Variants in ENKUR observed in about 807,000 individuals in gnomAD.
The protein encoded by ENKUR is enkurin, TRPC channel interacting protein, also known as enkurin.
A neutral mutation model predicts 27.6 loss-of-function variants in ENKUR; 19 were observed. The observed-to-expected ratio is 0.69, with a 90% CI of 0.48 to 1.01. The LOEUF is 1.01. Ranked by LOEUF, ENKUR falls within the 50% of genes least tolerant of loss-of-function variation. ENKUR has a pLI of 0.00. For synonymous variants in ENKUR, 117 were observed against 96.9 expected (o/e 1.21, Z -1.22); for missense variants, 312 against 310.5 (o/e 1.00, Z -0.04).
chr10:25,024,528 A>G (rs751826732), intron 2 of ENKUR: 1 of 1,614,206 alleles, frequency 6.2e-7, no homozygotes, highest in Non-Finnish European at 8.5e-7. Flanking sequence ...GTGTTGAGTC[A>G]GATTTTGATT....
At chr10:25,040,289 C>T (rs908229461) in intron 2 of ENKUR, among the ~76,000 whole-genome samples, 3 of 151,850 alleles carry the variant, frequency 2.0e-5, no homozygotes, top group Non-Finnish European at 2.9e-5. Context: ...GTGGTGAAGT[C>T]ACATGACAAA....
chr10:24,988,664 G>GTATATA (rs66687937), intron 4 of ENKUR, among the ~76,000 whole-genome samples: 1 of 98,844 alleles, frequency 1.0e-5, no homozygotes. Context: ...CACAGCATAT[G>GTATATA]TATATATATA....
chr10:25,016,146 C>G lies in ENKUR; in HGVS notation c.-210G>C. 4 of 1,223,046 alleles carry G rather than the reference C, an allele frequency of 3.3e-6. No homozygotes were observed. Among genetic ancestry groups the G allele is most frequent in the East Asian group, 3.4e-5 (1 of 29,688 alleles). The allele number at this position is 1,223,046 out of a possible 1,614,324, so 75.8% of individuals were successfully genotyped here. On this transcript the variant is annotated 5_prime_UTR_variant, in exon 1 of 6. Transcript: ENST00000331161. ...CCCTATTTCTCTCCGGATTGCTAAGCGTCGTTGACTGTGCGGTTGCCGTGG... is the reference window on the plus strand; with the variant it reads ...CCCTATTTCTCTCCGGATTGCTAAGGGTCGTTGACTGTGCGGTTGCCGTGG...
chr10:25,010,065 A>G (rs183885643), intron 1 of ENKUR, among the ~76,000 whole-genome samples: 1 of 152,192 alleles, frequency 6.6e-6, no homozygotes, highest in Admixed American at 6.5e-5. Context: ...AGAGGTTGGA[A>G]CAGTTTGGAG....
chr10:25,008,796 C>T (rs1274587113), intron 1 of ENKUR, among the ~76,000 whole-genome samples: 1 of 152,170 alleles, frequency 6.6e-6, no homozygotes, highest in African/African-American at 2.4e-5. Flanking sequence ...GCTATAAAGA[C>T]ACATGCACAC....
In ENKUR at chr10:25,008,144, C is replaced by T. The variant is rs139468795; in HGVS notation, c.77+7716G>A. Among the ~76,000 whole-genome samples the T allele has an allele frequency of 3.5e-3, 527 of 152,052 alleles. 2 individuals are homozygous for T. The highest frequency in any genetic ancestry group is 0.012 in the African/African-American group (489 of 41,516). ...ACATTCTAACACTTAAATTCTAACA[C>T]TAAACACTTAAAACACTAAAATAGC... On this transcript the variant is annotated intron_variant, in intron 1 of 5. Transcript: ENST00000331161.
upstream of ENKUR, among the ~76,000 whole-genome samples, chr10:25,020,726 G>A (rs2132749315): frequency 6.8e-6 from 1 of 146,616 alleles, no homozygotes; most frequent in East Asian, 2.1e-4. Context: ...GGGTGACAGT[G>A]GAAGACCCTT....
intron 1 of ENKUR, among the ~76,000 whole-genome samples, chr10:25,007,415 CTTATTTAT>C (rs201070755): frequency 6.6e-6 from 1 of 151,928 alleles, no homozygotes; most frequent in Non-Finnish European, 1.5e-5. Flanking sequence ...GTATAGGTTT[CTTATTTAT>C]TTATTTATTT....
In ENKUR at chr10:25,015,906, A is replaced by G. The variant is rs2132731054; in HGVS notation, c.31T>C (p.Tyr11His). Residue 11 changes from tyrosine (Y) to histidine (H), a missense_variant, in exon 1 of 6, where the codon TAT becomes CAT. Physicochemically the swap from Tyr to His is moderately conservative, Grantham distance 83 (BLOSUM62 2). Coordinates refer to ENST00000331161, the MANE Select transcript of ENKUR (RefSeq NM_145010.4). MDPTCSSECI[Y>H]NLIPSDLKEP... ...TTCAAGTCACTGGGTATGAGGTTAT[A>G]AATGCACTCAGAAGAGCACGTTGGA... is the stretch of plus-strand genomic sequence containing the variant. 1 of 1,608,080 alleles carries G rather than the reference A, an allele frequency of 6.2e-7. No homozygotes were observed. Among genetic ancestry groups the G allele is most frequent in the Non-Finnish European group, 8.5e-7 (1 of 1,177,048 alleles).
chr10:25,010,247 G>A (rs1017192436), intron 1 of ENKUR, among the ~76,000 whole-genome samples: 9 of 152,284 alleles, frequency 5.9e-5, no homozygotes, highest in African/African-American at 2.2e-4. Context: ...CTCTTGCTAT[G>A]TTTTAGCAAA....
At chr10:24,999,037 C>G (rs550137263) in intron 2 of ENKUR, among the ~76,000 whole-genome samples, 2 of 152,134 alleles carry the variant, frequency 1.3e-5, no homozygotes, top group African/African-American at 4.8e-5. Flanking sequence ...GGAGAAAAGG[C>G]CAGACAGGGT....
chr10:25,051,168 T>A (rs929181961), intron 2 of ENKUR, among the ~76,000 whole-genome samples: 1 of 152,260 alleles, frequency 6.6e-6, no homozygotes, highest in African/African-American at 2.4e-5. Flanking sequence ...AAAGGATGAA[T>A]GATTTAAGGG....
chr10:25,029,510 C>T (rs1033820383), intron 2 of ENKUR, among the ~76,000 whole-genome samples: 5 of 151,760 alleles, frequency 3.3e-5, no homozygotes, highest in African/African-American at 9.7e-5. Context: ...TCCATTAAAT[C>T]GTTTATAAAC....
At chr10:25,045,502 G>T (rs978392873) in intron 2 of ENKUR, among the ~76,000 whole-genome samples, 1 of 152,130 alleles carries the variant, frequency 6.6e-6, no homozygotes, top group Admixed American at 6.6e-5. Context: ...AAATATACAT[G>T]AAATATATTA....
upstream of ENKUR, among the ~76,000 whole-genome samples, chr10:25,018,670 T>G (rs983892319): frequency 4.0e-5 from 6 of 151,538 alleles, no homozygotes; most frequent in Non-Finnish European, 8.8e-5. Flanking sequence ...TTTTTTTTTT[T>G]TTTTTTTTTG....
intron 4 of ENKUR, among the ~76,000 whole-genome samples, chr10:24,986,733 A>C (rs1774940331): frequency 6.6e-6 from 1 of 152,226 alleles, no homozygotes; most frequent in South Asian, 2.1e-4. Context: ...TTTGGATCAA[A>C]GTCAACAGCC....
intron 2 of ENKUR, chr10:25,023,119 G>GT: frequency 2.7e-6 from 3 of 1,105,748 alleles, no homozygotes; most frequent in Non-Finnish European, 3.8e-6. Flanking sequence ...ACAATCTACT[G>GT]TAATTAGTAA....
chr10:25,011,268 C>T (rs1483036776), intron 1 of ENKUR, among the ~76,000 whole-genome samples: 2 of 152,138 alleles, frequency 1.3e-5, no homozygotes, highest in Non-Finnish European at 1.5e-5. Context: ...TGTTCATGTC[C>T]TTTGCCCACT....
intron 2 of ENKUR, chr10:25,025,513 C>A: frequency 1.3e-6 from 2 of 1,487,510 alleles, no homozygotes; most frequent in Non-Finnish European, 1.8e-6. Flanking sequence ...AAATCTCAAA[C>A]ACTGATTTGG....
Sources: allele counts gnomAD v4.1 joint callset (sites outside exome capture counted in the v4.1 genomes callset), GRCh38; gene constraint gnomAD v4.1.1; transcripts MANE v1.5; gene names NCBI Gene and HGNC (gene_info 2026-07-23, HGNC 2026-07-21).